RFX7: variants seen among roughly 807,000 people sequenced by gnomAD.
RFX7 encodes DNA-binding protein RFX7.
A neutral mutation model predicts 111.8 loss-of-function variants in RFX7; 26 were observed. The ratio of observed to expected loss-of-function variants is 0.23; its 90% CI spans 0.17 to 0.32. The LOEUF (loss-of-function observed/expected upper bound fraction) is 0.32. RFX7 is among the 10% of genes least tolerant of loss of function. The pLI is 1.00. For synonymous variants in RFX7, 624 were observed against 624.4 expected, an observed-to-expected ratio of 1.00 and a Z score of 0.01; for missense variants, 1,573 against 1,772.9, an observed-to-expected ratio of 0.89 and a Z score of 2.02.
chr15:56,157,222 A>T (rs1267584708), intron 3 of RFX7, among the ~76,000 whole-genome samples: 1 of 152,094 alleles, frequency 6.6e-6, no homozygotes, highest in Non-Finnish European at 1.5e-5. Context: ...CAGGCAGTCA[A>T]ATCTATCAAT....
Position 56,094,422 on chromosome 15 carries a change from C to A in RFX7, c.3306G>T (p.Val1102=), listed in dbSNP as rs1201486888. The stretch of plus-strand genomic sequence containing the variant: ...ATTGAGACTGATAAGACTGTCCAGG[C>A]ACAGCAAAAGCATGAGGTTTCCTGA... ...DRFRKPHAFA[V]PGQSYQSQSR... is the part of the protein sequence containing the mutation. Residue 1102 remains valine (V), a synonymous_variant, in exon 10 of 10, where the codon GTG becomes GTT. Coordinates refer to ENST00000559447, the MANE Select transcript of RFX7 (RefSeq NM_022841.7). 1 of 1,613,914 alleles carries A rather than the reference C, an allele frequency of 6.2e-7. No homozygotes were observed. The highest frequency in any genetic ancestry group is 1.7e-5 in the Admixed American group (1 of 60,002).
intron 5 of RFX7, among the ~76,000 whole-genome samples, chr15:56,129,936 A>G (rs1489532859): frequency 1.3e-5 from 2 of 152,174 alleles, no homozygotes; most frequent in Non-Finnish European, 2.9e-5. Flanking sequence ...GCCATTTGTA[A>G]ATGGTAGCTG....
At chr15:56,216,092 G>A (rs2043360630) in intron 2 of RFX7, among the ~76,000 whole-genome samples, 1 of 152,168 alleles carries the variant, frequency 6.6e-6, no homozygotes, top group South Asian at 2.1e-4. Flanking sequence ...TGTTAGAATT[G>A]CATGATTAGG....
At chr15:56,236,881 C>T (rs1376891910) in intron 2 of RFX7, among the ~76,000 whole-genome samples, 3 of 152,156 alleles carry the variant, frequency 2.0e-5, no homozygotes, top group Non-Finnish European at 4.4e-5. Context: ...CTTACTTTTG[C>T]ACAATAAACA....
chr15:56,178,203 A>ACACACACACACACG (rs1555423779), intron 3 of RFX7, among the ~76,000 whole-genome samples: 2 of 148,788 alleles, frequency 1.3e-5, no homozygotes, highest in African/African-American at 5.1e-5. Context: ...ACACACACAC[A>ACACACACACACACG]CACACACAAC....
At chr15:56,189,876 A>C (rs1280724670) in intron 2 of RFX7, 1 of 152,240 alleles carries the variant, frequency 6.6e-6, no homozygotes, top group East Asian at 1.9e-4. Context: ...GATGTCCACA[A>C]AACAGATGTT....
intron 8 of RFX7, among the ~76,000 whole-genome samples, 178 bp from the exon 9 acceptor site, chr15:56,098,554 A>G (rs2041712918): frequency 6.6e-6 from 1 of 152,218 alleles, no homozygotes; most frequent in African/African-American, 2.4e-5. Flanking sequence ...TTGTCAATAT[A>G]GTTTTGTCAT....
In RFX7 at chr15:56,092,131, GTTC is replaced by G. The variant is rs1595916565; in HGVS notation, c.*1211_*1213del. On this transcript the variant is annotated 3_prime_UTR_variant, in exon 10 of 10. Coordinates refer to ENST00000559447, the MANE Select transcript of RFX7 (RefSeq NM_022841.7). Reference sequence around the variant, plus strand: ...AGAAACATTTTAAAACAAATCCTGAGTTCTTCTTTTGCAATTGTGGTTATCACA... The same window carrying G: ...AGAAACATTTTAAAACAAATCCTGAGTTCTTTTGCAATTGTGGTTATCACA... 1 of 152,502 alleles carries G rather than the reference GTTC, an allele frequency of 6.6e-6. No individual in the cohort carries two copies. Among genetic ancestry groups the G allele is most frequent in the Non-Finnish European group, 1.5e-5 (1 of 67,964 alleles). The allele number at this position is 152,502 out of a possible 1,614,324, so 9.4% of individuals were successfully genotyped here. A position where few individuals can be genotyped will look rare whatever the true frequency, so the allele number is the denominator to read the frequency against.
At chr15:56,206,891 G>T (rs1208876577) in intron 2 of RFX7, among the ~76,000 whole-genome samples, 2 of 151,598 alleles carry the variant, frequency 1.3e-5, no homozygotes, top group African/African-American at 4.9e-5. Flanking sequence ...GTGTGGGGAA[G>T]TGGGGATGGT....
Position 56,091,148 on chromosome 15 carries a change from A to C in RFX7, c.*2197T>G, listed in dbSNP as rs577158887. On this transcript the variant is annotated 3_prime_UTR_variant, in exon 10 of 10. Transcript: ENST00000559447. Reference sequence around the variant, plus strand: ...TAACATGGTGAAGCAAACTAAACTTAATTCTTCCTGCTGTAATATTCTCAT... The same window carrying C: ...TAACATGGTGAAGCAAACTAAACTTCATTCTTCCTGCTGTAATATTCTCAT... 1.3e-3 allele frequency: 201 copies of C among 152,670 alleles called. 1 individual carries two copies. Among genetic ancestry groups the C allele is most frequent in the African/African-American group, 4.8e-3 (198 of 41,554 alleles). 9.5% of individuals were successfully genotyped at this position (152,670 alleles called of 1,614,324 possible).
intron 5 of RFX7, among the ~76,000 whole-genome samples, chr15:56,126,641 A>G (rs537137149): frequency 2.0e-5 from 3 of 152,364 alleles, no homozygotes; most frequent in East Asian, 3.9e-4. Context: ...TCATCAAAGT[A>G]TATGTTGTCT....
chr15:56,206,557 T>C (rs1349666937), intron 2 of RFX7, among the ~76,000 whole-genome samples: 1 of 152,168 alleles, frequency 6.6e-6, no homozygotes, highest in Non-Finnish European at 1.5e-5. Flanking sequence ...CACTCCCATG[T>C]TTACTGCAGC....
At chr15:56,130,780 AAAG>A (rs1325094057) in intron 5 of RFX7, among the ~76,000 whole-genome samples, 1 of 152,110 alleles carries the variant, frequency 6.6e-6, no homozygotes, top group Non-Finnish European at 1.5e-5. Flanking sequence ...AAATATGAAA[AAAG>A]AGGAAAATTC....
At chr15:56,109,094 G>A (rs1000155514) in intron 5 of RFX7, among the ~76,000 whole-genome samples, 3 of 152,116 alleles carry the variant, frequency 2.0e-5, no homozygotes, top group Admixed American at 6.5e-5. Flanking sequence ...CTCTGATGCC[G>A]AGCCGAAGCT....
chr15:56,141,765 T>C (rs1389282117), intron 5 of RFX7, among the ~76,000 whole-genome samples: 4 of 149,508 alleles, frequency 2.7e-5, no homozygotes, highest in Admixed American at 2.7e-4. Context: ...AGGTATTCAA[T>C]GGATTGTTGT....
In RFX7 at chr15:56,088,582, T is replaced by C. The variant is rs536652872; in HGVS notation, c.*4763A>G. On this transcript the variant is annotated 3_prime_UTR_variant, in exon 10 of 10. Coordinates refer to ENST00000559447, the MANE Select transcript of RFX7 (RefSeq NM_022841.7). ...TATAGCAACAAGACTGGCATACATA[T>C]TTTTAAAATTTCAGATGATGCAATA... The C allele has an allele frequency of 6.6e-6, 1 of 152,278 alleles. No homozygotes were observed. The highest frequency in any genetic ancestry group is 1.9e-4 in the East Asian group (1 of 5,192). 9.4% of individuals were successfully genotyped at this position (152,278 alleles called of 1,614,324 possible).
Position 56,089,240 on chromosome 15 carries a change from A to G in RFX7, c.*4105T>C, listed in dbSNP as rs1040304568. The stretch of plus-strand genomic sequence containing the variant: ...ATTCTGAGATTTTTTTTTCTCTCTG[A>G]TAAAAGGCTAAGAACTGCTCTTACT... On this transcript the variant is annotated 3_prime_UTR_variant, in exon 10 of 10. Transcript: ENST00000559447. The G allele has an allele frequency of 6.6e-6, 1 of 152,508 alleles. No individual in the cohort carries two copies. Among genetic ancestry groups the G allele is most frequent in the African/African-American group, 2.4e-5 (1 of 41,396 alleles). 9.4% of individuals were successfully genotyped at this position (152,508 alleles called of 1,614,324 possible).
At chr15:56,155,136 G>C (rs1039185279) in intron 3 of RFX7, among the ~76,000 whole-genome samples, 11 of 152,286 alleles carry the variant, frequency 7.2e-5, no homozygotes, top group African/African-American at 2.4e-4. Context: ...ACAGATTCTG[G>C]AGAGGTTGTG....
chr15:56,180,417 C>G (rs2042956625), intron 2 of RFX7, among the ~76,000 whole-genome samples: 1 of 152,128 alleles, frequency 6.6e-6, no homozygotes, highest in Non-Finnish European at 1.5e-5. Flanking sequence ...TTCCCACAGT[C>G]CTACAAAAGA....
Sources: gnomAD v4.1 joint callset for allele counts (sites outside exome capture counted in the v4.1 genomes callset) on GRCh38, gnomAD v4.1.1 for gene constraint, MANE v1.5 for transcripts, NCBI Gene and HGNC (gene_info 2026-07-23, HGNC 2026-07-21) for gene names.